Variants in DIRAS2 observed in about 807,000 individuals in gnomAD.
The protein encoded by DIRAS2 is GTP-binding protein Di-Ras2.
A neutral mutation model predicts 13.9 loss-of-function variants in DIRAS2; 5 were observed. That is an observed-to-expected ratio of 0.36 (90% CI 0.19 to 0.76). DIRAS2 has a LOEUF of 0.76. Among genes scored for constraint, DIRAS2 ranks in the 30% least tolerant of loss-of-function variants. DIRAS2 has a pLI of 0.53. For synonymous variants in DIRAS2, 111 were observed against 105.4 expected, an observed-to-expected ratio of 1.05 and a Z score of -0.33; for missense variants, 191 against 263.0, an observed-to-expected ratio of 0.73 and a Z score of 1.89.
At chr9:90,625,931 C>T (rs772787501) in intron 1 of DIRAS2, 1 of 152,082 alleles carries the variant, frequency 6.6e-6, no homozygotes, top group African/African-American at 2.4e-5. Context: ...CATCTGTAAT[C>T]CCAGCACTTT....
intron 1 of DIRAS2, among the ~76,000 whole-genome samples, chr9:90,628,519 T>TTA (rs1171176363): frequency 1.2e-5 from 1 of 85,456 alleles, no homozygotes; most frequent in Non-Finnish European, 2.4e-5. Context: ...AAAACAAAAT[T>TTA]TATACACACA....
intron 1 of DIRAS2, among the ~76,000 whole-genome samples, chr9:90,639,307 A>C (rs560749664): frequency 6.6e-6 from 1 of 152,242 alleles, no homozygotes; most frequent in Non-Finnish European, 1.5e-5. Flanking sequence ...TCAATTATAA[A>C]GCATGAGATT....
chr9:90,617,572 A>G (rs1825181185), intron 1 of DIRAS2, among the ~76,000 whole-genome samples: 1 of 152,194 alleles, frequency 6.6e-6, no homozygotes, highest in Non-Finnish European at 1.5e-5. Flanking sequence ...GTGGGGAGTA[A>G]CACAATGCAA....
intron 1 of DIRAS2, among the ~76,000 whole-genome samples, chr9:90,617,306 G>A (rs928679109): frequency 6.6e-6 from 1 of 152,224 alleles, no homozygotes; most frequent in African/African-American, 2.4e-5. Flanking sequence ...TCTGGTAGGT[G>A]ATTGGGATTT....
At chr9:90,635,145 A>T (rs1825358981) in intron 1 of DIRAS2, among the ~76,000 whole-genome samples, 2 of 152,250 alleles carry the variant, frequency 1.3e-5, no homozygotes, top group Admixed American at 6.5e-5. Flanking sequence ...CACATGGAAG[A>T]GGAGCAGACA....
At chr9:90,619,413 A>G (rs1316587927) in intron 1 of DIRAS2, among the ~76,000 whole-genome samples, 1 of 152,212 alleles carries the variant, frequency 6.6e-6, no homozygotes, top group Non-Finnish European at 1.5e-5. Flanking sequence ...ATTTCACTAC[A>G]GCCTGGGTGA....
Position 90,615,844 on chromosome 9 carries a change from T to C in DIRAS2, c.-36-1981A>G, listed in dbSNP as rs578143829. ...CTAAAAGCCCCACTTCCAAATACCA[T>C]GAACATACACATTTGAGGATTACAT... On this transcript the variant is annotated intron_variant, in intron 1 of 1. Coordinates refer to ENST00000375765, the MANE Select transcript of DIRAS2 (RefSeq NM_017594.5). Among the ~76,000 whole-genome samples the C allele has an allele frequency of 2.6e-5, 4 of 152,344 alleles. No homozygotes were observed. In the South Asian group the frequency reaches 6.2e-4, roughly 24 times the overall value.
intron 1 of DIRAS2, among the ~76,000 whole-genome samples, chr9:90,629,040 G>C (rs1303245670): frequency 6.6e-6 from 1 of 152,016 alleles, no homozygotes; most frequent in African/African-American, 2.4e-5. Flanking sequence ...ATTTTTAGTA[G>C]AGACGGGGTT....
chr9:90,632,393 A>G (rs576148990), intron 1 of DIRAS2, among the ~76,000 whole-genome samples: 1 of 152,172 alleles, frequency 6.6e-6, no homozygotes, highest in African/African-American at 2.4e-5. Flanking sequence ...CTCTTCCCCC[A>G]GGTAATCAAA....
chr9:90,631,250 G>A (rs1020885650), intron 1 of DIRAS2, among the ~76,000 whole-genome samples: 2 of 152,148 alleles, frequency 1.3e-5, no homozygotes, highest in African/African-American at 2.4e-5. Flanking sequence ...AAACACAGAC[G>A]CTTGTCCAAC....
chr9:90,630,303 A>G (rs1476590784), intron 1 of DIRAS2, among the ~76,000 whole-genome samples: 1 of 152,230 alleles, frequency 6.6e-6, no homozygotes, highest in Non-Finnish European at 1.5e-5. Context: ...TTCAACCATA[A>G]AAAAGTAAAT....
chr9:90,617,674 G>A (rs1266094845), intron 1 of DIRAS2, among the ~76,000 whole-genome samples: 1 of 152,088 alleles, frequency 6.6e-6, no homozygotes, highest in Admixed American at 6.5e-5. Flanking sequence ...GCAGTATGAT[G>A]GACAAGGAGA....
In DIRAS2 at chr9:90,613,579, G is replaced by A. The variant is rs1286877352; in HGVS notation, c.249C>T (p.Ile83=). Residue 83 remains isoleucine (I), a synonymous_variant, in exon 2 of 2, where the codon ATC becomes ATT. Coordinates refer to ENST00000375765, the MANE Select transcript of DIRAS2 (RefSeq NM_017594.5). The surrounding 1 kb of genome is among the most constrained non-coding windows in gnomAD (Gnocchi z 5.6). ...GTCGGCTGGTAATGGAGTACACCAG[G>A]ATGAAGGCGTGCCCTTTGGAGATGG... ...RLSISKGHAF[I]LVYSITSRQS... 1.2e-6 allele frequency: 2 copies of A among 1,614,078 alleles called. No homozygotes were observed. Among genetic ancestry groups the A allele is most frequent in the African/African-American group, 1.3e-5 (1 of 74,930 alleles).
At chr9:90,637,835 G>C (rs566721147) in intron 1 of DIRAS2, among the ~76,000 whole-genome samples, 2 of 152,168 alleles carry the variant, frequency 1.3e-5, no homozygotes, top group African/African-American at 4.8e-5. Flanking sequence ...CCTGTTCCCC[G>C]TTGAGTCAGA....
At chr9:90,616,859 C>A (rs1051680204) in intron 1 of DIRAS2, among the ~76,000 whole-genome samples, 10 of 152,046 alleles carry the variant, frequency 6.6e-5, no homozygotes, top group African/African-American at 2.4e-4. Context: ...TACCCAACAG[C>A]ACTCACAGCA....
intron 1 of DIRAS2, among the ~76,000 whole-genome samples, chr9:90,619,605 T>C (rs1825201138): frequency 6.6e-6 from 1 of 152,170 alleles, no homozygotes. Context: ...GCAAAAAATG[T>C]AAAATGATAT....
At chr9:90,631,257 C>T (rs1825322251) in intron 1 of DIRAS2, among the ~76,000 whole-genome samples, 1 of 152,066 alleles carries the variant, frequency 6.6e-6, no homozygotes. Context: ...GACGCTTGTC[C>T]AACATGCTCA....
chr9:90,626,714 A>T (rs757624423), intron 1 of DIRAS2, among the ~76,000 whole-genome samples: 9 of 152,224 alleles, frequency 5.9e-5, no homozygotes, highest in Non-Finnish European at 1.3e-4. Context: ...TGCGGAAGAA[A>T]TCAAAGATAG....
rs1021669341 is a variant in DIRAS2 at position 90,631,542 on chromosome 9, G to A, written c.-37+11210C>T. On this transcript the variant is annotated intron_variant, in intron 1 of 1. Transcript: ENST00000375765. The stretch of plus-strand genomic sequence containing the variant: ...AAGTCTCCAGCAACAATCTTGATAC[G>A]TGCCAAGGGTGGCTTGTACCAGGGT... Among the ~76,000 whole-genome samples the A allele has an allele frequency of 3.2e-4, 49 of 152,108 alleles. 1 individual carries two copies. The highest frequency in any genetic ancestry group is 2.9e-3 in the Admixed American group (44 of 15,270).
Sources: allele counts gnomAD v4.1 joint callset (sites outside exome capture counted in the v4.1 genomes callset), GRCh38; gene constraint gnomAD v4.1.1; non-coding constraint Gnocchi (gnomAD v3.1); transcripts MANE v1.5; gene names NCBI Gene and HGNC (gene_info 2026-07-23, HGNC 2026-07-21).